Variants in TMPRSS13 observed in about 807,000 individuals in gnomAD.
The protein encoded by TMPRSS13 is transmembrane protease serine 13.
A neutral mutation model predicts 68.4 loss-of-function variants in TMPRSS13; 50 were observed. That is an observed-to-expected ratio of 0.73 (90% CI 0.58 to 0.93). The LOEUF (loss-of-function observed/expected upper bound fraction) is 0.93. Ranked by LOEUF, TMPRSS13 falls within the 40% of genes least tolerant of loss-of-function variation. The pLI is 0.00. For missense variants in TMPRSS13, 615 were observed against 729.2 expected (o/e 0.84, Z 1.80); for synonymous variants, 267 against 285.8 (o/e 0.93, Z 0.66).
chr11:117,917,134 C>A, intron 3 of TMPRSS13, 36 bp downstream of exon 3: 1 of 1,573,294 alleles, frequency 6.4e-7, no homozygotes, highest in Non-Finnish European at 8.7e-7. Context: ...CCCAGCAGTG[C>A]CCAGAACCCA....
chr11:117,902,607 T>G (rs1467767871), intron 12 of TMPRSS13, among the ~76,000 whole-genome samples: 3 of 152,178 alleles, frequency 2.0e-5, no homozygotes, highest in Admixed American at 6.5e-5. Flanking sequence ...GATCCCTGTT[T>G]CCTGACACCG....
In TMPRSS13 at chr11:117,903,644, A is replaced by C; in HGVS notation, c.1677+11T>G. ...CCTGCTGGGTGCAGTGTCCTGCTGC[A>C]GGGATCTTACCTCCATCTTGCTGTA... On this transcript the variant is annotated intron_variant, in intron 12 of 12. Coordinates refer to ENST00000524993, the MANE Select transcript of TMPRSS13 (RefSeq NM_001077263.3). 6.2e-7 allele frequency: 1 copy of C among 1,614,140 alleles called. No individual in the cohort carries two copies. Among genetic ancestry groups the C allele is most frequent in the Non-Finnish European group, 8.5e-7 (1 of 1,180,016 alleles).
chr11:117,913,827 G>A lies in TMPRSS13; in HGVS notation c.759C>T (p.Asn253=). 6.2e-7 allele frequency: 1 copy of A among 1,614,154 alleles called. No individual in the cohort carries two copies. Among genetic ancestry groups the A allele is most frequent in the East Asian group, 2.2e-5 (1 of 44,888 alleles). The change falls in exon 5 of 13, where the codon AAC becomes AAT. Residue 253 remains asparagine (N), a synonymous_variant. Transcript: ENST00000524993. Reference sequence around the variant, plus strand: ...TCTTCTCTGAGTAGGAGTCATTCCAGTTGCTGCTACAGATGGGAAGCCACT... The same window carrying A: ...TCTTCTCTGAGTAGGAGTCATTCCAATTGCTGCTACAGATGGGAAGCCACT... The part of the protein sequence containing the change: ...SHQWLPICSS[N]WNDSYSEKTC...
chr11:117,926,342 G>A (rs1242690606), intron 1 of TMPRSS13, among the ~76,000 whole-genome samples: 1 of 152,200 alleles, frequency 6.6e-6, no homozygotes, highest in African/African-American at 2.4e-5. Context: ...CTGGGATGGG[G>A]CTGGGACACG....
At chr11:117,917,334 A>G in intron 2 of TMPRSS13, 60 bp from the exon 3 acceptor site, 2 of 1,356,904 alleles carry the variant, frequency 1.5e-6, no homozygotes, top group Non-Finnish European at 2.1e-6. Flanking sequence ...CGAGATGGAG[A>G]GGGTGGGGGA....
chr11:117,910,087 C>A (rs866401676), intron 7 of TMPRSS13, 119 bp from the exon 8 acceptor site: 17 of 1,237,332 alleles, frequency 1.4e-5, no homozygotes, highest in Middle Eastern at 4.4e-4. Flanking sequence ...CAGCCCCATC[C>A]TGAAGGGCAC....
intron 9 of TMPRSS13, among the ~76,000 whole-genome samples, chr11:117,907,283 A>G (rs967834155): frequency 1.3e-5 from 2 of 152,042 alleles, no homozygotes; most frequent in African/African-American, 2.4e-5. Flanking sequence ...GACTCCACAG[A>G]CAAGGATGGA....
At chr11:117,920,102 G>A (rs1258392270) in intron 1 of TMPRSS13, among the ~76,000 whole-genome samples, 1 of 152,218 alleles carries the variant, frequency 6.6e-6, no homozygotes, top group Non-Finnish European at 1.5e-5. Context: ...ATCGGGGTCA[G>A]GTGAGTTTTC....
At chr11:117,928,133 G>A (rs1429841531) in intron 1 of TMPRSS13, among the ~76,000 whole-genome samples, 1 of 152,222 alleles carries the variant, frequency 6.6e-6, no homozygotes, top group East Asian at 1.9e-4. Flanking sequence ...ATATTGCCAA[G>A]GAGGATGCCC....
chr11:117,905,697 G>C lies in TMPRSS13; in HGVS notation c.1322C>G (p.Thr441Ser), dbSNP rs747411879. 1 of 1,606,128 alleles carries C rather than the reference G, an allele frequency of 6.2e-7. No individual in the cohort carries two copies. Among genetic ancestry groups the C allele is most frequent in the South Asian group, 1.1e-5 (1 of 89,408 alleles). Residue 441 changes from threonine to serine, a missense_variant, in exon 10 of 13, where the codon ACC becomes AGC. Physicochemically the swap from Thr to Ser is moderately conservative, Grantham distance 58. Transcript: ENST00000524993. ...HPACLPMHGQ[T>S]FSLNETCWIT... Reference sequence around the variant, plus strand: ...CCAGCAGGTCTCATTGAGGCTAAAGGTCTGTCCATGCATGGGGAGGCAAGC... The same window carrying C: ...CCAGCAGGTCTCATTGAGGCTAAAGCTCTGTCCATGCATGGGGAGGCAAGC...
At chr11:117,925,734 C>T (rs2057699141) in intron 1 of TMPRSS13, among the ~76,000 whole-genome samples, 1 of 152,366 alleles carries the variant, frequency 6.6e-6, no homozygotes, top group South Asian at 2.1e-4. Flanking sequence ...TGGCCAGGCA[C>T]ATCCACCCTT....
In TMPRSS13 at chr11:117,901,979, T is replaced by G; in HGVS notation, c.*260A>C. The G allele has an allele frequency of 1.8e-6, 1 of 569,768 alleles. No individual in the cohort carries two copies. The highest frequency in any genetic ancestry group is 3.2e-6 in the Non-Finnish European group (1 of 315,984). The allele number at this position is 569,768 out of a possible 1,614,324, so 35.3% of individuals were successfully genotyped here. On this transcript the variant is annotated 3_prime_UTR_variant, in exon 13 of 13. Transcript: ENST00000524993. The stretch of plus-strand genomic sequence containing the variant: ...AGGAACATCCACGGTACTCAACTCT[T>G]GTCTCCAGGTAATTTCCAGCCTGGG...
chr11:117,914,520 G>GAAAA lies in TMPRSS13; in HGVS notation c.557-10_557-7dup. 1 of 1,613,714 alleles carries GAAAA rather than the reference G, an allele frequency of 6.2e-7. No homozygotes were observed. ...GTGGCCCTGCCAGAACTGGACTAGA[G>GAAAA]AAAAAGAAGCAGACAGCTGGGTCAT... On this transcript the variant is annotated splice_polypyrimidine_tract_variant and splice_region_variant and intron_variant, in intron 3 of 12. Coordinates refer to ENST00000524993, the MANE Select transcript of TMPRSS13 (RefSeq NM_001077263.3). The surrounding 1 kb of genome is among the most constrained non-coding windows in gnomAD (Gnocchi z 4.2).
intron 1 of TMPRSS13, among the ~76,000 whole-genome samples, chr11:117,925,806 T>C (rs1190318082): frequency 2.0e-5 from 3 of 152,236 alleles, no homozygotes; most frequent in Non-Finnish European, 2.9e-5. Flanking sequence ...TAAGTGGCCA[T>C]TGTTACATCA....
At chr11:117,910,634 TGGA>T in intron 7 of TMPRSS13, 70 bp downstream of exon 7, 1 of 1,457,948 alleles carries the variant, frequency 6.9e-7, no homozygotes, top group Non-Finnish European at 9.4e-7. Flanking sequence ...ACACCTCCCT[TGGA>T]GGAGTGCTGC....
chr11:117,903,471 G>A (rs746592629), intron 12 of TMPRSS13, 184 bp downstream of exon 12: 8 of 1,538,952 alleles, frequency 5.2e-6, no homozygotes, highest in Non-Finnish European at 7.0e-6. Flanking sequence ...GGGAAGAAAA[G>A]CAGGGAAAGA....
intron 3 of TMPRSS13, among the ~76,000 whole-genome samples, chr11:117,916,526 C>A (rs538921935): frequency 6.6e-6 from 1 of 152,232 alleles, no homozygotes; most frequent in African/African-American, 2.4e-5. Context: ...GAGGACAGGA[C>A]AGAATAATGT....
At chr11:117,907,801 C>T (rs1220591179) in intron 9 of TMPRSS13, 2 of 985,270 alleles carry the variant, frequency 2.0e-6, no homozygotes, top group South Asian at 4.7e-5. Context: ...CTCTACTGGT[C>T]GTCTTGGTGT....
chr11:117,906,621 G>C (rs921587186), intron 9 of TMPRSS13, among the ~76,000 whole-genome samples: 19 of 152,288 alleles, frequency 1.2e-4, no homozygotes, highest in Admixed American at 2.0e-4. Flanking sequence ...TTGGAATTAG[G>C]CTTTAAACAT....
Sources: allele counts gnomAD v4.1 joint callset (sites outside exome capture counted in the v4.1 genomes callset), GRCh38; gene constraint gnomAD v4.1.1; non-coding constraint Gnocchi (gnomAD v3.1); transcripts MANE v1.5; gene names NCBI Gene and HGNC (gene_info 2026-07-23, HGNC 2026-07-21).